Variants in TRPM6 observed in about 807,000 individuals in gnomAD.
The protein encoded by TRPM6 is transient receptor potential cation channel subfamily M member 6, also known as channel kinase 2.
Under a neutral mutation model 247.6 loss-of-function variants are expected in TRPM6, and 111 were observed. The ratio of observed to expected loss-of-function variants is 0.45; its 90% CI spans 0.38 to 0.52. The LOEUF is 0.52. Ranked by LOEUF, TRPM6 falls within the 20% of genes least tolerant of loss-of-function variation. TRPM6 has a pLI of 0.00. For missense variants in TRPM6, 2,126 were observed against 2,421.5 expected (o/e 0.88, Z 2.56); for synonymous variants, 892 against 853.8 (o/e 1.04, Z -0.78).
At chr9:74,787,372 T>G (rs1827723247) in intron 20 of TRPM6, among the ~76,000 whole-genome samples, 2 of 151,702 alleles carry the variant, frequency 1.3e-5, no homozygotes, top group African/African-American at 2.4e-5. Context: ...AATGTGATAT[T>G]GGAACTCACT....
rs13290391 is a variant in TRPM6, at chr9:74,785,949, G to T, written c.2844C>A (p.Phe948Leu). ...GRLIYCIDII[F>L]WFSRLLDFFA... The stretch of plus-strand genomic sequence containing the variant: ...AGAAGTCCAGGAGCCGTGAGAACCA[G>T]AATATGATGTCTATGCAGTAGATCA... The change falls in exon 21 of 39, where the codon TTC (phenylalanine) becomes TTA (leucine). Residue 948 changes from phenylalanine (F) to leucine (L), a missense_variant. Around this residue, in one of 3 missense-constraint regions of TRPM6, gnomAD observed 1,082 missense variants for 1,307.9 expected, o/e 0.83. Coordinates refer to ENST00000360774, the MANE Select transcript of TRPM6 (RefSeq NM_017662.5). 1 of 1,614,220 alleles carries T rather than the reference G, an allele frequency of 6.2e-7. No homozygotes were observed. Among genetic ancestry groups the T allele is most frequent in the Non-Finnish European group, 8.5e-7 (1 of 1,180,048 alleles).
In TRPM6 at chr9:74,739,386, T is replaced by C. The variant is rs1825789603; in HGVS notation, c.5551A>G (p.Thr1851Ala). Reference sequence around the variant, plus strand: ...TCTTACCTTGGTGTGTAGGGTATGGTTTGTGGTTTCACTTGGTTGAAGGTA... The same window carrying C: ...TCTTACCTTGGTGTGTAGGGTATGGCTTGTGGTTTCACTTGGTTGAAGGTA... ...IYTFNQVKPQ[T>A]IPYTPRFLEV... The change falls in exon 35 of 39, where the codon ACC (threonine) becomes GCC (alanine). Residue 1851 changes from threonine to alanine, a missense_variant. Thr to Ala is a moderately conservative substitution (Grantham distance 58). Coordinates refer to ENST00000360774, the MANE Select transcript of TRPM6 (RefSeq NM_017662.5). 1.2e-6 allele frequency: 2 copies of C among 1,614,098 alleles called. No homozygotes were observed. Among genetic ancestry groups the C allele is most frequent in the Non-Finnish European group, 1.7e-6 (2 of 1,179,988 alleles).
chr9:74,756,926 G>A (rs1826446996), intron 27 of TRPM6, among the ~76,000 whole-genome samples: 1 of 152,024 alleles, frequency 6.6e-6, no homozygotes, highest in Admixed American at 6.6e-5. Context: ...GGCTGGGCGT[G>A]GTGGTTCACA....
At chr9:74,750,410 A>C (rs1253034669) in intron 30 of TRPM6, among the ~76,000 whole-genome samples, 2 of 152,350 alleles carry the variant, frequency 1.3e-5, no homozygotes, top group African/African-American at 4.8e-5. Context: ...GACACTGAAA[A>C]GGCAAATGTT....
At chr9:74,735,754 G>C (rs1475232484) in intron 36 of TRPM6, among the ~76,000 whole-genome samples, 1 of 152,096 alleles carries the variant, frequency 6.6e-6, no homozygotes, top group African/African-American at 2.4e-5. Flanking sequence ...TGGAAAGAGA[G>C]CAAAAAACTT....
intron 1 of TRPM6, chr9:74,887,290 A>T (rs1193946652): frequency 7.4e-7 from 1 of 1,351,660 alleles, no homozygotes. Context: ...GCGCACGGGG[A>T]CGCGCAGGGG....
At chr9:74,884,504 T>C (rs7470869) in intron 1 of TRPM6, among the ~76,000 whole-genome samples, 9 of 147,996 alleles carry the variant, frequency 6.1e-5, no homozygotes, top group Admixed American at 2.0e-4. Flanking sequence ...TAAATACATA[T>C]ATACATACAT....
chr9:74,754,275 G>A (rs961165564), intron 28 of TRPM6, among the ~76,000 whole-genome samples: 1 of 152,096 alleles, frequency 6.6e-6, no homozygotes, highest in Non-Finnish European at 1.5e-5. Context: ...ATCTCTAAAT[G>A]TCTCTTTCAG....
intron 23 of TRPM6, among the ~76,000 whole-genome samples, chr9:74,776,353 C>A (rs1007257910): frequency 1.3e-5 from 2 of 151,864 alleles, no homozygotes; most frequent in African/African-American, 4.8e-5. Context: ...AACAGAAAAT[C>A]CATTCTGGAA....
chr9:74,780,050 T>C (rs2118912542), intron 23 of TRPM6, among the ~76,000 whole-genome samples: 1 of 151,678 alleles, frequency 6.6e-6, no homozygotes, highest in Admixed American at 6.6e-5. Flanking sequence ...CATGCACCTG[T>C]AGTCCCAGCT....
Position 74,827,916 on chromosome 9 carries a change from G to A in TRPM6, c.703C>T (p.Leu235Phe). 1.2e-6 allele frequency: 2 copies of A among 1,614,144 alleles called. No homozygotes were observed. Residue 235 changes from leucine to phenylalanine, a missense_variant, in exon 7 of 39, where the codon CTC becomes TTC. Physicochemically the swap from Leu to Phe is conservative, Grantham distance 22 (BLOSUM62 0). Coordinates refer to ENST00000360774, the MANE Select transcript of TRPM6 (RefSeq NM_017662.5). The stretch of plus-strand genomic sequence containing the variant: ...CTGTTGAGTGTTGTGAGCTTGCTGA[G>A]GGGGTTATCCAGAGTCTGGTACAGG... ...VCLYQTLDNPLSKLTTLNSMH... is the reference protein window; with the variant it reads ...VCLYQTLDNPFSKLTTLNSMH...
At chr9:74,877,223 G>T (rs571542859) in intron 1 of TRPM6, among the ~76,000 whole-genome samples, 2 of 152,164 alleles carry the variant, frequency 1.3e-5, no homozygotes, top group South Asian at 4.2e-4. Flanking sequence ...CCTAGGTATC[G>T]CCCCAAAAGA....
chr9:74,724,404 G>A lies in TRPM6; in HGVS notation c.*209C>T, dbSNP rs1257828496. 5 of 628,654 alleles carry A rather than the reference G, an allele frequency of 8.0e-6. No individual in the cohort carries two copies. Among genetic ancestry groups the A allele is most frequent in the Admixed American group, 2.8e-5 (1 of 36,218 alleles). 38.9% of individuals were successfully genotyped at this position (628,654 alleles called of 1,614,324 possible). On this transcript the variant is annotated 3_prime_UTR_variant, in exon 39 of 39. Coordinates refer to ENST00000360774, the MANE Select transcript of TRPM6 (RefSeq NM_017662.5). ...CATCTTCGTGTGGAACTTGAGGATGGAGCTGCAAAGTGCCCTGGACAGAGG... is the reference window on the plus strand; with the variant it reads ...CATCTTCGTGTGGAACTTGAGGATGAAGCTGCAAAGTGCCCTGGACAGAGG...
intron 1 of TRPM6, among the ~76,000 whole-genome samples, chr9:74,871,610 T>C (rs1831033949): frequency 6.6e-6 from 1 of 152,186 alleles, no homozygotes; most frequent in African/African-American, 2.4e-5. Context: ...TTCATGTAGA[T>C]CTTCAGAATA....
chr9:74,813,445 A>G (rs1828806670), intron 11 of TRPM6, among the ~76,000 whole-genome samples: 1 of 152,242 alleles, frequency 6.6e-6, no homozygotes, highest in Non-Finnish European at 1.5e-5. Context: ...GGGTCTTTCC[A>G]GTCATCTTTC....
intron 9 of TRPM6, among the ~76,000 whole-genome samples, chr9:74,818,980 T>C (rs1045303588): frequency 2.6e-5 from 4 of 152,098 alleles, no homozygotes; most frequent in Admixed American, 6.6e-5. Context: ...TTTACTGTAA[T>C]TGTCAGCTTC....
intron 5 of TRPM6, among the ~76,000 whole-genome samples, chr9:74,837,743 G>A (rs1829776384): frequency 2.4e-5 from 2 of 82,096 alleles, no homozygotes; most frequent in Admixed American, 3.3e-4. Context: ...ACCACGCCCG[G>A]CCCCCTTTTT....
intron 36 of TRPM6, among the ~76,000 whole-genome samples, chr9:74,733,116 C>A (rs553038133): frequency 1.3e-5 from 2 of 151,738 alleles, no homozygotes; most frequent in South Asian, 2.1e-4. Flanking sequence ...ATCGTTTGAA[C>A]CATTGAATCG....
intron 6 of TRPM6, among the ~76,000 whole-genome samples, chr9:74,828,197 C>A (rs935731319): frequency 6.6e-6 from 1 of 151,260 alleles, no homozygotes; most frequent in African/African-American, 2.4e-5. Flanking sequence ...ACTAAAAATA[C>A]ACAAAAAAAT....
Sources: gnomAD v4.1 joint callset for allele counts (sites outside exome capture counted in the v4.1 genomes callset) on GRCh38, gnomAD v4.1.1 for gene constraint, gnomAD v4.1.1 regional missense constraint, MANE v1.5 for transcripts, NCBI Gene and HGNC (gene_info 2026-07-23, HGNC 2026-07-21) for gene names.